Variants in ESR1 observed in about 807,000 individuals in gnomAD.
The protein encoded by ESR1 is estrogen receptor 1, also known as estrogen receptor.
ESR1 carries 12 observed loss-of-function variants against 52.7 expected under a neutral mutation model. The ratio of observed to expected loss-of-function variants is 0.23; its 90% confidence interval spans 0.15 to 0.37. The LOEUF (loss-of-function observed/expected upper bound fraction) is 0.37. Ranked by LOEUF, ESR1 falls within the 10% of genes least tolerant of loss-of-function variation. The pLI is 1.00. For synonymous variants in ESR1, 305 were observed against 316.8 expected, an observed-to-expected ratio of 0.96 and a Z score of 0.39; for missense variants, 584 against 779.7, an observed-to-expected ratio of 0.75 and a Z score of 2.99.
chr6:151,888,490 C>G (rs1794216174), intron 3 of ESR1, among the ~76,000 whole-genome samples: 1 of 151,948 alleles, frequency 6.6e-6, no homozygotes, highest in Non-Finnish European at 1.5e-5. Flanking sequence ...TGTATAGAAA[C>G]ACTACTGATT....
At chr6:151,768,801 G>A (rs6915316) in intron 2 of ESR1, among the ~76,000 whole-genome samples, 86 of 152,190 alleles carry the variant, frequency 5.7e-4, no homozygotes, top group Admixed American at 1.8e-3. Context: ...CCTTTAACTC[G>A]TAAATTACTT....
Position 152,060,359 on chromosome 6 carries a change from G to A in ESR1, c.1236-632G>A, listed in dbSNP as rs9341014. ...TCTTTCATGCTGCTCCTCCTCCCAT[G>A]TTTAGGACCCTCTTCCAAGGAGGCA... On this transcript the variant is annotated intron_variant, in intron 5 of 7. Coordinates refer to ENST00000206249, the MANE Select transcript of ESR1 (RefSeq NM_000125.4). Among the ~76,000 whole-genome samples the A allele has an allele frequency of 5.2e-3, 789 of 152,182 alleles. 5 individuals are homozygous for A. Among genetic ancestry groups the A allele is most frequent in the African/African-American group, 0.017 (716 of 41,528 alleles).
At chr6:151,692,912 T>C (rs1455039229) in intron 1 of ESR1, among the ~76,000 whole-genome samples, 1 of 152,260 alleles carries the variant, frequency 6.6e-6, no homozygotes, top group Non-Finnish European at 1.5e-5. Context: ...GGAAAGCTGA[T>C]ACCTCTGCTC....
At chr6:151,691,406 G>A (rs1438858695) in intron 1 of ESR1, among the ~76,000 whole-genome samples, 2 of 152,180 alleles carry the variant, frequency 1.3e-5, no homozygotes, top group Non-Finnish European at 2.9e-5. Context: ...AATGCCACAT[G>A]TCTTAGGAAA....
chr6:151,953,976 C>T (rs1360000119), intron 4 of ESR1, among the ~76,000 whole-genome samples: 1 of 152,114 alleles, frequency 6.6e-6, no homozygotes, highest in Non-Finnish European at 1.5e-5. Context: ...TGATTTTTGG[C>T]ACAATTATTA....
At chr6:152,057,480 T>C (rs1057118032) in intron 5 of ESR1, among the ~76,000 whole-genome samples, 2 of 152,170 alleles carry the variant, frequency 1.3e-5, no homozygotes, top group African/African-American at 4.8e-5. Flanking sequence ...GATAAACTTC[T>C]TGTAGCCTCT....
intron 2 of ESR1, among the ~76,000 whole-genome samples, chr6:151,731,918 A>G (rs930493819): frequency 2.6e-5 from 4 of 152,202 alleles, no homozygotes; most frequent in Non-Finnish European, 2.9e-5. Context: ...AGTGCTAGCC[A>G]TAATGATATG....
chr6:151,828,790 T>C (rs981193627), intron 1 of ESR1, among the ~76,000 whole-genome samples: 2 of 152,214 alleles, frequency 1.3e-5, no homozygotes, highest in Non-Finnish European at 2.9e-5. Flanking sequence ...ACTCTATACA[T>C]TTCCCAGCCT....
At chr6:151,701,655 T>C (rs1335438071) in intron 1 of ESR1, among the ~76,000 whole-genome samples, 1 of 152,006 alleles carries the variant, frequency 6.6e-6, no homozygotes, top group African/African-American at 2.4e-5. Flanking sequence ...CAGTGGTAAC[T>C]AGCTTAAGCC....
At chr6:152,074,910 C>A (rs1273768780) in intron 6 of ESR1, among the ~76,000 whole-genome samples, 2 of 152,114 alleles carry the variant, frequency 1.3e-5, no homozygotes, top group African/African-American at 4.8e-5. Flanking sequence ...CTGTTAAACT[C>A]TTTGGTCCAT....
intron 6 of ESR1, among the ~76,000 whole-genome samples, chr6:152,120,154 C>T (rs1305914500): frequency 6.6e-6 from 1 of 152,218 alleles, no homozygotes; most frequent in African/African-American, 2.4e-5. Context: ...AGAAGAAATG[C>T]TTCTGAAGTC....
intron 2 of ESR1, among the ~76,000 whole-genome samples, chr6:151,751,053 G>A (rs1169560293): frequency 6.6e-6 from 1 of 152,222 alleles, no homozygotes; most frequent in Non-Finnish European, 1.5e-5. Flanking sequence ...GCATTTGATA[G>A]ACAAGTTAGA....
In ESR1 at chr6:151,988,452, A is replaced by G. The variant is rs370020910; in HGVS notation, c.1097-23204A>G. The stretch of plus-strand genomic sequence containing the variant: ...TAAATACAGATGAAGCTTCACTTGC[A>G]CGTTCACTGCTCACCTCCTGTTGGG... On this transcript the variant is annotated intron_variant, in intron 4 of 7. Transcript: ENST00000206249. 2.0e-4 allele frequency among the ~76,000 whole-genome samples: 30 copies of G among 152,226 alleles called. No homozygotes were observed. The South Asian group carries it at 6.2e-3, about 31-fold the overall frequency.
At chr6:151,897,099 C>T (rs990506665) in intron 3 of ESR1, among the ~76,000 whole-genome samples, 1 of 152,120 alleles carries the variant, frequency 6.6e-6, no homozygotes, top group Non-Finnish European at 1.5e-5. Context: ...TGTGGCATAT[C>T]ATATGGTCTA....
At chr6:151,997,135 C>T (rs191144349) in intron 4 of ESR1, among the ~76,000 whole-genome samples, 5 of 149,988 alleles carry the variant, frequency 3.3e-5, no homozygotes, top group African/African-American at 5.1e-5. Flanking sequence ...AGCATCTTAC[C>T]GTTCATTGCT....
chr6:152,124,355 G>A (rs557030221), intron 6 of ESR1, among the ~76,000 whole-genome samples: 6 of 152,290 alleles, frequency 3.9e-5, no homozygotes, highest in South Asian at 2.1e-4. Flanking sequence ...CAGGCAGCAC[G>A]CAGTGTTTCT....
chr6:151,808,410 AGGAGGGAGGGAGGGAG>A, intron 1 of ESR1, 46 bp downstream of exon 1: 4 of 304,806 alleles, frequency 1.3e-5, no homozygotes, highest in Non-Finnish European at 2.5e-5. Flanking sequence ...CGCGCCCGGC[AGGAGGGAGGGAGGGAG>A]GGAGGGAGAA....
rs116051471 is a variant in ESR1, at chr6:151,834,559, G to A, written c.453-8038G>A. On this transcript the variant is annotated intron_variant, in intron 1 of 7. Coordinates refer to ENST00000206249, the MANE Select transcript of ESR1 (RefSeq NM_000125.4). ...ACCTGGGGTCTATCAGGGGGTTGGGGGCTAAGGGAGTGATAGCATTAGGAG... is the reference window on the plus strand; with the variant it reads ...ACCTGGGGTCTATCAGGGGGTTGGGAGCTAAGGGAGTGATAGCATTAGGAG... Among the ~76,000 whole-genome samples, 872 of 152,196 alleles carry A rather than the reference G, an allele frequency of 5.7e-3. 8 individuals carry two copies. Among genetic ancestry groups the A allele is most frequent in the African/African-American group, 0.02 (818 of 41,520 alleles).
intron 4 of ESR1, among the ~76,000 whole-genome samples, chr6:151,978,303 A>T (rs2128663349): frequency 6.6e-6 from 1 of 152,320 alleles, no homozygotes; most frequent in African/African-American, 2.4e-5. Flanking sequence ...TGAAAAATAT[A>T]TCCAAAGAAT....
Sources: allele counts gnomAD v4.1 joint callset (sites outside exome capture counted in the v4.1 genomes callset), GRCh38; gene constraint gnomAD v4.1.1; transcripts MANE v1.5; gene names NCBI Gene and HGNC (gene_info 2026-07-23, HGNC 2026-07-21).